The following OTOGL variants were observed in gnomAD, a reference collection of about 807,000 sequenced individuals.
The protein encoded by OTOGL is otogelin-like protein.
OTOGL carries 285 observed loss-of-function variants against 318.5 expected under a neutral mutation model. That is an observed-to-expected ratio of 0.89 (90% CI 0.81 to 0.99). The LOEUF (loss-of-function observed/expected upper bound fraction) is 0.99, where lower values mean the gene tolerates loss of function less well. Among genes scored for constraint, OTOGL ranks in the 50% least tolerant of loss-of-function variants. The pLI is 0.00. For missense variants in OTOGL, 2,899 were observed against 2,845.6 expected, an observed-to-expected ratio of 1.02 and a Z score of -0.43; for synonymous variants, 987 against 936.5, an observed-to-expected ratio of 1.05 and a Z score of -0.99.
intron 29 of OTOGL, among the ~76,000 whole-genome samples, chr12:80,308,840 G>A (rs7136917): frequency 0.89 from 135,688 of 151,746 alleles, 61,700 homozygotes; most frequent in Middle Eastern, 0.99. Context: ...GGCGGCGCGC[G>A]CCTGCAATCG....
intron 1 of OTOGL, among the ~76,000 whole-genome samples, chr12:80,203,834 C>T (rs188767816): frequency 1.3e-5 from 2 of 152,214 alleles, no homozygotes; most frequent in Admixed American, 1.3e-4. Context: ...ATGCCTAAAC[C>T]CCTTAGACTT....
At chr12:80,113,864 A>G (rs1301266254) in intron 1 of OTOGL, among the ~76,000 whole-genome samples, 1 of 152,106 alleles carries the variant, frequency 6.6e-6, no homozygotes, top group Admixed American at 6.5e-5. Flanking sequence ...TTCCTTTACC[A>G]CAATGTGATG....
At chr12:80,350,489 C>T (rs1417483523) in intron 44 of OTOGL, among the ~76,000 whole-genome samples, 1 of 152,112 alleles carries the variant, frequency 6.6e-6, no homozygotes, top group East Asian at 1.9e-4. Context: ...ATATTGTTTT[C>T]CACAATGGCT....
chr12:80,360,383 T>C, intron 52 of OTOGL, among the ~76,000 whole-genome samples: 1 of 85,960 alleles, frequency 1.2e-5, no homozygotes, highest in Admixed American at 1.5e-4. Flanking sequence ...TCTCCCCCTC[T>C]CTCTCCCCCT....
At chr12:80,369,045 A>C (rs1041212608) in intron 55 of OTOGL, among the ~76,000 whole-genome samples, 2 of 151,956 alleles carry the variant, frequency 1.3e-5, no homozygotes, top group African/African-American at 4.8e-5. Flanking sequence ...TAATACACAC[A>C]TATATTTTTA....
chr12:80,234,338 T>C (rs948864703), intron 9 of OTOGL, among the ~76,000 whole-genome samples: 7 of 152,046 alleles, frequency 4.6e-5, no homozygotes, highest in Admixed American at 4.6e-4. Flanking sequence ...CTTAGATAAG[T>C]GTTTGAGTAA....
chr12:80,264,125 T>C (rs1191471809), intron 19 of OTOGL, among the ~76,000 whole-genome samples: 3 of 152,092 alleles, frequency 2.0e-5, no homozygotes, highest in African/African-American at 7.2e-5. Flanking sequence ...TAAAAGACAA[T>C]GACAATGAAA....
rs1890909795 is a variant in OTOGL, at chr12:80,372,064, TGTAA to T, written c.6781+3_6781+6del. 7.8e-6 allele frequency: 12 copies of T among 1,546,058 alleles called. No individual in the cohort carries two copies. The highest frequency in any genetic ancestry group is 6.2e-5 in the South Asian group (5 of 80,454). ...TTATAATGAAGGCTGTTGCAAGATC[TGTAA>T]GTGAGAGCATATTCCATGCATTTAC... On this transcript the variant is annotated splice_donor_variant and splice_donor_region_variant and intron_variant, in intron 57 of 58. Transcript: ENST00000547103. LOFTEE classifies it high-confidence loss of function.
At chr12:80,273,394 C>T (rs548608947) in intron 24 of OTOGL, among the ~76,000 whole-genome samples, 1 of 152,046 alleles carries the variant, frequency 6.6e-6, no homozygotes, top group African/African-American at 2.4e-5. Flanking sequence ...GACCACATAA[C>T]CCTAATTGAG....
chr12:80,144,226 T>G (rs1872168785), intron 1 of OTOGL, among the ~76,000 whole-genome samples: 1 of 151,946 alleles, frequency 6.6e-6, no homozygotes, highest in African/African-American at 2.4e-5. Context: ...CCCACAACAG[T>G]CCCCAGAGTG....
chr12:80,212,344 T>G (rs1032430112), intron 4 of OTOGL, among the ~76,000 whole-genome samples: 4 of 152,062 alleles, frequency 2.6e-5, no homozygotes, highest in African/African-American at 9.7e-5. Flanking sequence ...AACAGTATAA[T>G]GTACATGGAA....
intron 1 of OTOGL, among the ~76,000 whole-genome samples, chr12:80,185,473 G>T (rs1875223873): frequency 6.6e-6 from 1 of 152,056 alleles, no homozygotes; most frequent in African/African-American, 2.4e-5. Context: ...ATTTTTAGTA[G>T]AGACAGGGTT....
intron 46 of OTOGL, among the ~76,000 whole-genome samples, chr12:80,355,220 CTTTCTTTTCT>C (rs573807656): frequency 2.0e-5 from 2 of 97,790 alleles, no homozygotes; most frequent in African/African-American, 3.8e-5. Context: ...TTCTTTCTTT[CTTTCTTTTCT>C]TTTTTTTTTT....
intron 18 of OTOGL, among the ~76,000 whole-genome samples, chr12:80,260,091 G>C (rs1033670889): frequency 6.6e-6 from 1 of 152,064 alleles, no homozygotes. Context: ...TTAGGAACTA[G>C]CATAGAACCT....
intron 1 of OTOGL, among the ~76,000 whole-genome samples, chr12:80,126,354 G>A (rs1347169604): frequency 6.6e-6 from 1 of 152,170 alleles, no homozygotes; most frequent in Admixed American, 6.5e-5. Flanking sequence ...GCGGTTTTGA[G>A]TGAGTTTCTT....
intron 3 of OTOGL, 62 bp downstream of exon 3, chr12:80,210,948 CAGCAGGCAACTAT>C (rs1238394838): frequency 1.7e-5 from 19 of 1,126,610 alleles, no homozygotes; most frequent in Non-Finnish European, 2.3e-5. Context: ...GAGCAAACCT[CAGCAGGCAACTAT>C]ATCTGCTTTT....
At chr12:80,135,937 A>G (rs1379746501) in intron 1 of OTOGL, among the ~76,000 whole-genome samples, 1 of 152,188 alleles carries the variant, frequency 6.6e-6, no homozygotes, top group Non-Finnish European at 1.5e-5. Flanking sequence ...TCCTGATTCT[A>G]TAGCAGACTG....
intron 29 of OTOGL, among the ~76,000 whole-genome samples, chr12:80,309,184 C>CAT (rs1193612505): frequency 2.0e-5 from 3 of 152,074 alleles, no homozygotes; most frequent in African/African-American, 7.3e-5. Context: ...CATACAGACA[C>CAT]ATAATATGGA....
chr12:80,344,462 A>G (rs559989876), intron 44 of OTOGL, among the ~76,000 whole-genome samples: 1 of 152,228 alleles, frequency 6.6e-6, no homozygotes, highest in African/African-American at 2.4e-5. Context: ...GAATTGCTTG[A>G]ACCTGGGAGG....
Sources: gnomAD v4.1 joint callset for allele counts (sites outside exome capture counted in the v4.1 genomes callset) on GRCh38, gnomAD v4.1.1 for gene constraint, MANE v1.5 for transcripts, NCBI Gene and HGNC (gene_info 2026-07-23, HGNC 2026-07-21) for gene names.